SOX6: variants seen among roughly 807,000 people sequenced by gnomAD.
SOX6 encodes the protein SRY-box transcription factor 6.
SOX6 carries 11 observed loss-of-function variants against 97.8 expected under a neutral mutation model. The ratio of observed to expected loss-of-function variants is 0.11; its 90% CI spans 0.07 to 0.19. The LOEUF (loss-of-function observed/expected upper bound fraction) is 0.19. Among genes scored for constraint, SOX6 ranks in the 10% least tolerant of loss-of-function variants. The pLI, the probability that SOX6 is intolerant of heterozygous loss-of-function variation, is 1.00. For synonymous variants in SOX6, 360 were observed against 371.4 expected (o/e 0.97, Z 0.35); for missense variants, 810 against 1,039.5 (o/e 0.78, Z 3.04).
chr11:16,041,479 A>G (rs1213354254), intron 12 of SOX6, among the ~76,000 whole-genome samples: 1 of 152,142 alleles, frequency 6.6e-6, no homozygotes, highest in East Asian at 1.9e-4. Flanking sequence ...AAGAATCTAC[A>G]CTTTCAAAAA....
At chr11:16,657,162 T>C (rs548181134) in intron 3 of SOX6, among the ~76,000 whole-genome samples, 7 of 152,242 alleles carry the variant, frequency 4.6e-5, no homozygotes, top group Non-Finnish European at 8.8e-5. Flanking sequence ...ATCATTTTAC[T>C]GTCTCCATAG....
chr11:16,354,441 T>C (rs1423195056), intron 1 of SOX6, among the ~76,000 whole-genome samples: 1 of 151,966 alleles, frequency 6.6e-6, no homozygotes. Flanking sequence ...CTGAGTGAAC[T>C]AATGACAAGA....
chr11:16,426,669 T>C (rs973356624), intron 1 of SOX6, among the ~76,000 whole-genome samples: 8 of 151,682 alleles, frequency 5.3e-5, no homozygotes, highest in African/African-American at 9.7e-5. Context: ...AATCCCAGCA[T>C]TTTGGGAGGC....
chr11:16,214,651 A>C (rs1468205508), intron 4 of SOX6, among the ~76,000 whole-genome samples: 1 of 151,982 alleles, frequency 6.6e-6, no homozygotes, highest in Non-Finnish European at 1.5e-5. Context: ...CCCATTCATG[A>C]CTTTAGCCAT....
chr11:16,397,045 AT>A (rs958658843), intron 1 of SOX6, among the ~76,000 whole-genome samples: 2 of 151,348 alleles, frequency 1.3e-5, no homozygotes, highest in African/African-American at 4.8e-5. Flanking sequence ...TTACGTGAAT[AT>A]TTTACTTTAA....
intron 3 of SOX6, among the ~76,000 whole-genome samples, chr11:16,622,402 T>C (rs1355729690): frequency 6.6e-6 from 1 of 152,132 alleles, no homozygotes; most frequent in East Asian, 1.9e-4. Flanking sequence ...CAATGTGTAG[T>C]CTTTTAACCC....
intron 7 of SOX6, among the ~76,000 whole-genome samples, chr11:16,108,596 G>A (rs1215308325): frequency 6.6e-6 from 1 of 152,172 alleles, no homozygotes; most frequent in Non-Finnish European, 1.5e-5. Flanking sequence ...CTGATGATGA[G>A]TTCCTATCAA....
At chr11:16,041,681 G>T (rs1432711331) in intron 12 of SOX6, among the ~76,000 whole-genome samples, 1 of 152,070 alleles carries the variant, frequency 6.6e-6, no homozygotes. Flanking sequence ...ACATATTAAA[G>T]AATATATTAA....
intron 2 of SOX6, among the ~76,000 whole-genome samples, chr11:16,326,266 A>T (rs933834353): frequency 6.6e-6 from 1 of 151,990 alleles, no homozygotes; most frequent in African/African-American, 2.4e-5. Context: ...CCCATTTCTC[A>T]TTTGCCATGA....
intron 2 of SOX6, among the ~76,000 whole-genome samples, chr11:16,333,294 A>G (rs1856364714): frequency 6.6e-6 from 1 of 152,196 alleles, no homozygotes; most frequent in African/African-American, 2.4e-5. Context: ...ATAAGTTCAA[A>G]TTAGTCATAT....
chr11:16,320,412 T>C (rs1210073762), intron 2 of SOX6, among the ~76,000 whole-genome samples: 2 of 152,128 alleles, frequency 1.3e-5, no homozygotes, highest in Non-Finnish European at 2.9e-5. Flanking sequence ...TTAAATGACA[T>C]AATAATTGTA....
At chr11:16,677,351 G>C (rs1307870321) in intron 3 of SOX6, among the ~76,000 whole-genome samples, 1 of 152,000 alleles carries the variant, frequency 6.6e-6, no homozygotes, top group Admixed American at 6.6e-5. Context: ...ATTTTACAGA[G>C]ATTCAAGGTT....
intron 1 of SOX6, among the ~76,000 whole-genome samples, chr11:16,456,154 A>G (rs1046054603): frequency 6.6e-6 from 1 of 152,068 alleles, no homozygotes; most frequent in East Asian, 1.9e-4. Flanking sequence ...TTTTTATTTC[A>G]TCTATAGGTT....
chr11:16,644,438 A>G (rs757418782), intron 3 of SOX6, among the ~76,000 whole-genome samples: 1 of 152,206 alleles, frequency 6.6e-6, no homozygotes, highest in East Asian at 1.9e-4. Flanking sequence ...ACCCTATTAT[A>G]GCCCTATTAC....
intron 3 of SOX6, among the ~76,000 whole-genome samples, chr11:16,681,467 G>A (rs1847926956): frequency 6.6e-6 from 1 of 152,184 alleles, no homozygotes; most frequent in Non-Finnish European, 1.5e-5. Flanking sequence ...GCAGTGTGTA[G>A]AGGGAAATTT....
At chr11:16,469,967 A>T (rs1240146750) in intron 1 of SOX6, among the ~76,000 whole-genome samples, 1 of 152,138 alleles carries the variant, frequency 6.6e-6, no homozygotes, top group Non-Finnish European at 1.5e-5. Flanking sequence ...TATAAAATTT[A>T]AAAGCTTAAA....
intron 13 of SOX6, among the ~76,000 whole-genome samples, chr11:16,012,615 G>T (rs1414682279): frequency 6.6e-6 from 1 of 152,022 alleles, no homozygotes; most frequent in Non-Finnish European, 1.5e-5. Flanking sequence ...GAAATGGGCT[G>T]TACTGAGGAA....
chr11:16,199,498 AC>A (rs1851876596), intron 4 of SOX6, among the ~76,000 whole-genome samples: 1 of 152,074 alleles, frequency 6.6e-6, no homozygotes, highest in African/African-American at 2.4e-5. Flanking sequence ...TGAATACCCA[AC>A]CCCAGCCTCT....
intron 4 of SOX6, among the ~76,000 whole-genome samples, chr11:16,203,086 T>C (rs980018494): frequency 6.6e-6 from 1 of 152,102 alleles, no homozygotes; most frequent in African/African-American, 2.4e-5. Context: ...GAGAAAAATC[T>C]GAAATACTAA....
Sources: gnomAD v4.1 joint callset for allele counts (sites outside exome capture counted in the v4.1 genomes callset) on GRCh38, gnomAD v4.1.1 for gene constraint, MANE v1.5 for transcripts, NCBI Gene and HGNC (gene_info 2026-07-23, HGNC 2026-07-21) for gene names.